The following CTNNA2 variants were observed in gnomAD, a reference collection of about 807,000 sequenced individuals.
CTNNA2 encodes catenin alpha 2.
A neutral mutation model predicts 101.0 loss-of-function variants in CTNNA2; 42 were observed. The ratio of observed to expected loss-of-function variants is 0.42; its 90% confidence interval spans 0.32 to 0.54. The LOEUF is 0.54. Among genes scored for constraint, CTNNA2 ranks in the 20% least tolerant of loss-of-function variants. The pLI is 0.14. For missense variants in CTNNA2, 871 were observed against 1,223.1 expected (o/e 0.71, Z 4.29); for synonymous variants, 450 against 456.4 (o/e 0.99, Z 0.18).
intron 7 of CTNNA2, among the ~76,000 whole-genome samples, chr2:80,305,479 G>T (rs1676845481): frequency 6.6e-6 from 1 of 151,766 alleles, no homozygotes; most frequent in African/African-American, 2.4e-5. Flanking sequence ...TGATTACTGG[G>T]CCCTGCAGTG....
At chr2:79,932,206 C>G (rs1443518942) in intron 7 of CTNNA2, among the ~76,000 whole-genome samples, 1 of 152,148 alleles carries the variant, frequency 6.6e-6, no homozygotes, top group Non-Finnish European at 1.5e-5. Context: ...CCCTTCCTCC[C>G]CACACTCTAC....
intron 7 of CTNNA2, among the ~76,000 whole-genome samples, chr2:80,096,578 G>A (rs1265272086): frequency 1.3e-5 from 2 of 152,118 alleles, no homozygotes; most frequent in East Asian, 3.9e-4. Flanking sequence ...TTTCTGTCTT[G>A]TTGATCTGTC....
At chr2:79,409,096 T>C (rs898599579) in intron 4 of CTNNA2, among the ~76,000 whole-genome samples, 13 of 152,190 alleles carry the variant, frequency 8.5e-5, no homozygotes, top group Non-Finnish European at 1.3e-4. Flanking sequence ...ATAAATGTCT[T>C]CTTTTGAGAA....
intron 7 of CTNNA2, among the ~76,000 whole-genome samples, chr2:80,273,735 T>C (rs1365739034): frequency 6.6e-6 from 1 of 152,062 alleles, no homozygotes; most frequent in African/African-American, 2.4e-5. Flanking sequence ...GCAATAGGTA[T>C]CTGTTTGCTT....
At chr2:79,691,060 A>G (rs543247222) in intron 2 of CTNNA2, among the ~76,000 whole-genome samples, 1 of 152,168 alleles carries the variant, frequency 6.6e-6, no homozygotes, top group Non-Finnish European at 1.5e-5. Flanking sequence ...CAGAAGAGAT[A>G]CAGAATGCAG....
At chr2:79,337,167 T>G (rs1677013349) in intron 3 of CTNNA2, among the ~76,000 whole-genome samples, 1 of 152,208 alleles carries the variant, frequency 6.6e-6, no homozygotes, top group Admixed American at 6.5e-5. Context: ...AAAGGAGATT[T>G]CTCTGCAGCA....
intron 3 of CTNNA2, among the ~76,000 whole-genome samples, chr2:79,360,094 TG>T (rs2104446066): frequency 6.6e-6 from 1 of 152,330 alleles, no homozygotes; most frequent in African/African-American, 2.4e-5. Context: ...TCAAGGGTCC[TG>T]AGACCAAGTC....
intron 7 of CTNNA2, among the ~76,000 whole-genome samples, chr2:80,212,689 T>A (rs565971255): frequency 6.6e-6 from 1 of 152,298 alleles, no homozygotes; most frequent in Non-Finnish European, 1.5e-5. Flanking sequence ...CTTTTTTTGT[T>A]GTGTCTCTGC....
At chr2:80,007,990 TGA>T (rs1329990121) in intron 7 of CTNNA2, among the ~76,000 whole-genome samples, 1 of 152,218 alleles carries the variant, frequency 6.6e-6, no homozygotes, top group East Asian at 1.9e-4. Context: ...AAAAGAGGGC[TGA>T]GAGCAGCCAC....
chr2:80,039,211 G>A (rs889093557), intron 7 of CTNNA2, among the ~76,000 whole-genome samples: 2 of 152,130 alleles, frequency 1.3e-5, no homozygotes, highest in Admixed American at 6.5e-5. Context: ...CCATTGCTCA[G>A]TAAGTGAGAT....
intron 2 of CTNNA2, among the ~76,000 whole-genome samples, chr2:79,670,416 T>G (rs1682755467): frequency 6.6e-6 from 1 of 152,092 alleles, no homozygotes. Context: ...CAGTTGCGAT[T>G]TGGGTGGCTG....
At chr2:79,954,225 A>C (rs1689071909) in intron 7 of CTNNA2, among the ~76,000 whole-genome samples, 1 of 152,184 alleles carries the variant, frequency 6.6e-6, no homozygotes, top group Non-Finnish European at 1.5e-5. Flanking sequence ...AAACCACCCC[A>C]AAAATCCAGT....
At chr2:79,885,262 C>T (rs2104155608) in intron 6 of CTNNA2, among the ~76,000 whole-genome samples, 1 of 152,262 alleles carries the variant, frequency 6.6e-6, no homozygotes, top group South Asian at 2.1e-4. Flanking sequence ...ACACTGAAGG[C>T]TTCCGAATAA....
intron 4 of CTNNA2, among the ~76,000 whole-genome samples, chr2:79,434,903 T>C (rs776594685): frequency 5.3e-5 from 8 of 152,080 alleles, no homozygotes; most frequent in Non-Finnish European, 1.0e-4. Context: ...TGCCCCACAT[T>C]TGTTTCTGTA....
chr2:80,637,926 G>C (rs1673050473), intron 18 of CTNNA2, among the ~76,000 whole-genome samples: 1 of 152,116 alleles, frequency 6.6e-6, no homozygotes, highest in African/African-American at 2.4e-5. Context: ...GTTATTAAAT[G>C]GCCTTCAGTA....
chr2:79,889,289 T>C (rs1038240244), intron 6 of CTNNA2, among the ~76,000 whole-genome samples: 1 of 152,252 alleles, frequency 6.6e-6, no homozygotes, highest in African/African-American at 2.4e-5. Flanking sequence ...CAGAATATTA[T>C]GGAAACTTCA....
intron 2 of CTNNA2, among the ~76,000 whole-genome samples, chr2:79,683,251 G>T (rs1438903468): frequency 1.3e-5 from 2 of 152,316 alleles, no homozygotes; most frequent in East Asian, 3.9e-4. Flanking sequence ...CAGCTTCAGA[G>T]ATTAGATCCA....
chr2:79,472,282 C>T (rs1671008152), intron 4 of CTNNA2, among the ~76,000 whole-genome samples: 1 of 152,234 alleles, frequency 6.6e-6, no homozygotes, highest in Non-Finnish European at 1.5e-5. Context: ...GCTTCATGCC[C>T]TGCCTTCAGG....
intron 3 of CTNNA2, among the ~76,000 whole-genome samples, chr2:79,820,161 T>C (rs1357874099): frequency 6.6e-6 from 1 of 152,216 alleles, no homozygotes; most frequent in Middle Eastern, 3.2e-3. Context: ...GTTTCTAGGA[T>C]TATCTATAAC....
Sources: allele counts gnomAD v4.1 joint callset (sites outside exome capture counted in the v4.1 genomes callset), GRCh38; gene constraint gnomAD v4.1.1; transcripts MANE v1.5; gene names NCBI Gene and HGNC (gene_info 2026-07-23, HGNC 2026-07-21).